Variants in CPNE4 observed in about 807,000 individuals in gnomAD.
CPNE4 encodes copine 4, also known as copine-4.
Under a neutral mutation model 67.9 loss-of-function variants are expected in CPNE4, and 25 were observed. The observed-to-expected ratio is 0.37, with a 90% CI of 0.27 to 0.51. The LOEUF (loss-of-function observed/expected upper bound fraction) is 0.51. Among genes scored for constraint, CPNE4 ranks in the 20% least tolerant of loss-of-function variants. CPNE4 has a pLI of 0.93. For missense variants in CPNE4, 464 were observed against 690.8 expected, an observed-to-expected ratio of 0.67 and a Z score of 3.68; for synonymous variants, 242 against 244.9, an observed-to-expected ratio of 0.99 and a Z score of 0.11.
chr3:131,944,347 G>A (rs780998992), intron 1 of CPNE4, among the ~76,000 whole-genome samples: 11 of 152,064 alleles, frequency 7.2e-5, no homozygotes, highest in Admixed American at 2.6e-4. Context: ...GAAGAGATGG[G>A]CTGCTGAGTT....
intron 1 of CPNE4, among the ~76,000 whole-genome samples, chr3:131,976,488 A>T (rs1336195443): frequency 6.6e-6 from 1 of 152,176 alleles, no homozygotes; most frequent in African/African-American, 2.4e-5. Flanking sequence ...TGAAGATTTT[A>T]AAAAGTAGAA....
chr3:131,752,423 A>G (rs573704966), intron 2 of CPNE4, among the ~76,000 whole-genome samples: 79 of 152,190 alleles, frequency 5.2e-4, no homozygotes, highest in South Asian at 1.7e-3. Flanking sequence ...TTTTGTCAGC[A>G]CACTTTAATG....
chr3:131,789,025 CACACACACACAG>C (rs968066625), intron 2 of CPNE4, among the ~76,000 whole-genome samples: 3 of 147,448 alleles, frequency 2.0e-5, no homozygotes, highest in Non-Finnish European at 3.0e-5. Flanking sequence ...CACACACACA[CACACACACACAG>C]AGAGAGAGAG....
rs1351238185 is a variant in CPNE4 at position 131,938,019 on chromosome 3, A to T, written c.-1-32575T>A. Among the ~76,000 whole-genome samples the T allele has an allele frequency of 2.6e-5, 4 of 152,112 alleles. No individual in the cohort carries two copies. In the East Asian group the frequency reaches 7.7e-4, roughly 29 times the overall value. ...AGATAATACTCGAATAAAAATACAGATTTTCCTAAAGAAAGAAAGAGCTGA... is the reference window on the plus strand; with the variant it reads ...AGATAATACTCGAATAAAAATACAGTTTTTCCTAAAGAAAGAAAGAGCTGA... On this transcript the variant is annotated intron_variant, in intron 1 of 15. Coordinates refer to ENST00000429747, the MANE Select transcript of CPNE4 (RefSeq NM_130808.3).
chr3:131,806,611 A>G (rs1217494278), intron 2 of CPNE4, among the ~76,000 whole-genome samples: 1 of 152,200 alleles, frequency 6.6e-6, no homozygotes, highest in Non-Finnish European at 1.5e-5. Flanking sequence ...TGGAGCAAGA[A>G]AACACAATAA....
chr3:131,828,098 C>T (rs759034937), intron 2 of CPNE4, among the ~76,000 whole-genome samples: 1 of 150,870 alleles, frequency 6.6e-6, no homozygotes, highest in African/African-American at 2.5e-5. Context: ...GCCACTATAA[C>T]ATTGTATTGC....
rs79127364 is a variant in CPNE4 at position 131,999,241 on chromosome 3, T to TAAAAAAAAAAAAAAAAAAAAA, written c.-2+35305_-2+35325dup. ...CTCAATTATAGGTATTTATCCAAGGTAAAAAAAAAAAAAAAAAAAAAAAGA... is the reference window on the plus strand; with the variant it reads ...CTCAATTATAGGTATTTATCCAAGGTAAAAAAAAAAAAAAAAAAAAAAAAAAAAAAAAAAAAAAAAAAAAGA... On this transcript the variant is annotated intron_variant, in intron 1 of 15. Transcript: ENST00000429747. 1.4e-4 allele frequency among the ~76,000 whole-genome samples: 14 copies of TAAAAAAAAAAAAAAAAAAAAA among 98,808 alleles called. 1 individual carries two copies. The highest frequency in any genetic ancestry group is 2.7e-4 in the African/African-American group (5 of 18,684). 64.8% of individuals were successfully genotyped at this position (98,808 alleles called of 152,430 possible). A position where few individuals can be genotyped will look rare whatever the true frequency, so the allele number is the denominator to read the frequency against.
intron 2 of CPNE4, among the ~76,000 whole-genome samples, chr3:131,747,057 A>G (rs1282376676): frequency 2.0e-5 from 3 of 150,574 alleles, no homozygotes; most frequent in African/African-American, 7.3e-5. Context: ...TCTGTTGGCC[A>G]TTTGTATGTT....
chr3:131,845,251 C>T (rs2085953156), intron 2 of CPNE4, among the ~76,000 whole-genome samples: 1 of 152,150 alleles, frequency 6.6e-6, no homozygotes, highest in South Asian at 2.1e-4. Flanking sequence ...TAATTCTGTG[C>T]CAGCTATCAT....
chr3:132,010,716 C>T (rs2073738817), intron 1 of CPNE4, among the ~76,000 whole-genome samples: 1 of 152,170 alleles, frequency 6.6e-6, no homozygotes, highest in African/African-American at 2.4e-5. Context: ...CTCTTCATTG[C>T]TCCAAAGCTG....
chr3:131,996,612 C>T (rs1419831003), intron 1 of CPNE4, among the ~76,000 whole-genome samples: 1 of 151,780 alleles, frequency 6.6e-6, no homozygotes, highest in African/African-American at 2.4e-5. Context: ...CATCTGGTCC[C>T]TCCACTTAGA....
At chr3:131,698,145 G>A (rs898796628) in intron 4 of CPNE4, among the ~76,000 whole-genome samples, 16 of 145,474 alleles carry the variant, frequency 1.1e-4, no homozygotes, top group Non-Finnish European at 1.2e-4. Flanking sequence ...TGAGGCAGGA[G>A]AATAGCGTGA....
intron 2 of CPNE4, among the ~76,000 whole-genome samples, chr3:131,738,852 T>A (rs1454219224): frequency 8.8e-6 from 1 of 114,014 alleles, no homozygotes. Flanking sequence ...CTTTTTCTTT[T>A]TCTTTTTTTT....
intron 1 of CPNE4, among the ~76,000 whole-genome samples, chr3:131,950,762 G>A (rs377487052): frequency 7.9e-5 from 12 of 152,224 alleles, no homozygotes; most frequent in East Asian, 5.8e-4. Context: ...TATTCAAAAC[G>A]TGTGTACCTA....
chr3:131,737,115 C>CTTTTTTTT lies in CPNE4; in HGVS notation c.181-13498_181-13491dup, dbSNP rs71788145. Among the ~76,000 whole-genome samples, 13 of 49,402 alleles carry CTTTTTTTT rather than the reference C, an allele frequency of 2.6e-4. 1 individual carries two copies. The highest frequency in any genetic ancestry group is 2.6e-3 in the East Asian group (3 of 1,156). The allele number at this position is 49,402 out of a possible 152,430, so 32.4% of individuals were successfully genotyped here. On this transcript the variant is annotated intron_variant, in intron 2 of 15. Coordinates refer to ENST00000429747, the MANE Select transcript of CPNE4 (RefSeq NM_130808.3). ...TGCCTCTTTTTATGAAGTATTGTGTCTTTTTTTTTTTTTTTTTTTTTTTTT... is the reference window on the plus strand; with the variant it reads ...TGCCTCTTTTTATGAAGTATTGTGTCTTTTTTTTTTTTTTTTTTTTTTTTTTTTTTTTT...
At chr3:131,868,330 C>T (rs1412154024) in intron 2 of CPNE4, among the ~76,000 whole-genome samples, 1 of 152,134 alleles carries the variant, frequency 6.6e-6, no homozygotes, top group African/African-American at 2.4e-5. Flanking sequence ...TAAAGAGAGG[C>T]AGGCATGCAT....
intron 10 of CPNE4, among the ~76,000 whole-genome samples, chr3:131,572,036 C>T (rs1397929150): frequency 6.6e-6 from 1 of 151,960 alleles, no homozygotes; most frequent in East Asian, 1.9e-4. Flanking sequence ...TCTAACCTCC[C>T]TTTGAAGGTT....
chr3:131,882,835 G>A (rs761790449), intron 2 of CPNE4, among the ~76,000 whole-genome samples: 31 of 150,808 alleles, frequency 2.1e-4, no homozygotes, highest in South Asian at 4.2e-4. Flanking sequence ...TCCTGCCTCA[G>A]CCTCCTGAGG....
At position 131,994,293 on chromosome 3, in the gene CPNE4, A is replaced by G. The variant is rs1419575891; in HGVS notation, c.-2+40274T>C. Among the ~76,000 whole-genome samples, 4 of 136,140 alleles carry G rather than the reference A, an allele frequency of 2.9e-5. 1 individual carries two copies. The highest frequency in any genetic ancestry group is 4.7e-4 in the East Asian group (2 of 4,280). 89.3% of individuals were successfully genotyped at this position (136,140 alleles called of 152,430 possible). On this transcript the variant is annotated intron_variant, in intron 1 of 15. Coordinates refer to ENST00000429747, the MANE Select transcript of CPNE4 (RefSeq NM_130808.3). ...TCCAACCAAAAGTATCAGTAAGGTG[A>G]GTTTTTTAGTTATATTTTGTAAAAT...
Sources: gnomAD v4.1 joint callset for allele counts (sites outside exome capture counted in the v4.1 genomes callset) on GRCh38, gnomAD v4.1.1 for gene constraint, MANE v1.5 for transcripts, NCBI Gene and HGNC (gene_info 2026-07-23, HGNC 2026-07-21) for gene names.